The following SCN4B variants were observed in gnomAD, a reference collection of about 807,000 sequenced individuals.
SCN4B encodes sodium channel regulatory subunit beta-4.
In SCN4B, 20 loss-of-function variants were observed where a neutral mutation model predicts 19.6. The ratio of observed to expected loss-of-function variants is 1.02; its 90% confidence interval spans 0.72 to 1.48. SCN4B has a LOEUF of 1.48. SCN4B is among the 40% of genes most tolerant of loss of function. The probability of loss-of-function intolerance (pLI) is 0.00; values close to 1 mark genes in which losing one functional copy is unlikely to be tolerated. For missense variants in SCN4B, 271 were observed against 287.5 expected (o/e 0.94, Z 0.42); for synonymous variants, 127 against 122.8 (o/e 1.03, Z -0.22).
rs57837990 is a variant in SCN4B at position 118,151,234 on chromosome 11, C to T, written c.61+1379G>A. ...CAAACAAGGGACTGGCATCCCACCACCCAGGAAGGTAAGCCAGAGGTGTGA... is the reference window on the plus strand; with the variant it reads ...CAAACAAGGGACTGGCATCCCACCATCCAGGAAGGTAAGCCAGAGGTGTGA... On this transcript the variant is annotated intron_variant, in intron 1 of 4. Transcript: ENST00000324727. 1.0e-2 allele frequency among the ~76,000 whole-genome samples: 1,518 copies of T among 152,240 alleles called. 33 individuals carry two copies. The highest frequency in any genetic ancestry group is 0.035 in the African/African-American group (1,456 of 41,538).
chr11:118,139,909 T>TC (rs1186146281), intron 4 of SCN4B, among the ~76,000 whole-genome samples: 1 of 52,146 alleles, frequency 1.9e-5, no homozygotes, highest in Non-Finnish European at 4.4e-5. Context: ...TTCTTTTTTC[T>TC]TTTTTTTTTT....
chr11:118,143,543 A>G (rs146672233), intron 3 of SCN4B, among the ~76,000 whole-genome samples: 1 of 152,320 alleles, frequency 6.6e-6, no homozygotes, highest in East Asian at 1.9e-4. Flanking sequence ...CTAGCCACAA[A>G]ACACTACCAG....
chr11:118,141,321 T>C lies in SCN4B; in HGVS notation c.479A>G (p.Asn160Ser). 1.9e-6 allele frequency: 3 copies of C among 1,612,378 alleles called. No individual in the cohort carries two copies. The highest frequency in any genetic ancestry group is 2.2e-5 in the East Asian group (1 of 44,884). Residue 160 changes from asparagine (N) to serine (S), a missense_variant, in exon 4 of 5, where the codon AAC becomes AGC. By Grantham distance (46) the Asn-to-Ser change is conservative. Coordinates refer to ENST00000324727, the MANE Select transcript of SCN4B (RefSeq NM_174934.4). ...AGCCAGGATGATGAGTGTCACTGTG[T>C]TGTCCACTTCTTCCACTGTGTGGCC... Reference protein sequence around the residue: ...QVVDRLEEVDNTVTLIILAVV... With the variant: ...QVVDRLEEVDSTVTLIILAVV...
Position 118,135,294 on chromosome 11 carries a change from A to T in SCN4B, c.*1733T>A, listed in dbSNP as rs998673498. ...CAGCCACGGGCACCCTGCAGGTACT[A>T]CTGGTCCTCAGTCTCCCCCCACTCC... is the stretch of plus-strand genomic sequence containing the variant. On this transcript the variant is annotated 3_prime_UTR_variant, in exon 5 of 5. Coordinates refer to ENST00000324727, the MANE Select transcript of SCN4B (RefSeq NM_174934.4). 1 of 454,032 alleles carries T rather than the reference A, an allele frequency of 2.2e-6. No individual in the cohort carries two copies. The highest frequency in any genetic ancestry group is 4.4e-6 in the Non-Finnish European group (1 of 226,772). The allele number at this position is 454,032 out of a possible 1,614,324, so 28.1% of individuals were successfully genotyped here. A position where few individuals can be genotyped will look rare whatever the true frequency, so the allele number is the denominator to read the frequency against.
At chr11:118,137,883 G>A (rs530779811) in intron 4 of SCN4B, among the ~76,000 whole-genome samples, 32 of 152,154 alleles carry the variant, frequency 2.1e-4, no homozygotes, top group Admixed American at 5.9e-4. Flanking sequence ...TGAGCTCTCC[G>A]TGACTAGAGG....
Position 118,134,966 on chromosome 11 carries a change from G to T in SCN4B, c.*2061C>A. 1 of 454,126 alleles carries T rather than the reference G, an allele frequency of 2.2e-6. No homozygotes were observed. Among genetic ancestry groups the T allele is most frequent in the Non-Finnish European group, 4.4e-6 (1 of 226,790 alleles). 28.1% of individuals were successfully genotyped at this position (454,126 alleles called of 1,614,324 possible). ...AGTAGACCCTGGGGAGGAAAGAGAG[G>T]ATGGTGCCCTTCTTCTCCCTACTCT... On this transcript the variant is annotated 3_prime_UTR_variant, in exon 5 of 5. Transcript: ENST00000324727.
At chr11:118,152,456 GA>G (rs1299584050) in intron 1 of SCN4B, among the ~76,000 whole-genome samples, 156 bp downstream of exon 1, 2 of 152,200 alleles carry the variant, frequency 1.3e-5, no homozygotes, top group Non-Finnish European at 2.9e-5. Context: ...CACAGCCTAT[GA>G]ACCAGGCAGG....
chr11:118,138,547 G>T (rs1458232379), intron 4 of SCN4B, among the ~76,000 whole-genome samples: 1 of 152,068 alleles, frequency 6.6e-6, no homozygotes, highest in Admixed American at 6.6e-5. Flanking sequence ...AGTTAACCCA[G>T]CCAATTACGA....
chr11:118,137,101 A>G lies in SCN4B; in HGVS notation c.613T>C (p.Ser205Pro), dbSNP rs761183228. ...REKKKECLVS[S>P]SGNDNTENGL... The stretch of plus-strand genomic sequence containing the variant: ...TTCTCCGTGTTGTCATTCCCCGAGG[A>G]GCTCACGAGACACTCCTTCCTGGAG... Residue 205 changes from serine to proline, a missense_variant, in exon 5 of 5, where the codon TCC becomes CCC. Ser to Pro is a moderately conservative substitution (Grantham distance 74). Coordinates refer to ENST00000324727, the MANE Select transcript of SCN4B (RefSeq NM_174934.4). 2.5e-5 allele frequency: 41 copies of G among 1,613,510 alleles called. No homozygotes were observed. The highest frequency in any genetic ancestry group is 5.0e-5 in the Admixed American group (3 of 60,006).
Position 118,133,816 on chromosome 11 carries a change from A to G in SCN4B, c.*3211T>C, listed in dbSNP as rs1159185004. 2.2e-6 allele frequency: 1 copy of G among 454,378 alleles called. No individual in the cohort carries two copies. The highest frequency in any genetic ancestry group is 2.0e-5 in the African/African-American group (1 of 49,998). The allele number at this position is 454,378 out of a possible 1,614,324, so 28.1% of individuals were successfully genotyped here. On this transcript the variant is annotated 3_prime_UTR_variant, in exon 5 of 5. Coordinates refer to ENST00000324727, the MANE Select transcript of SCN4B (RefSeq NM_174934.4). Reference sequence around the variant, plus strand: ...CTGTGACACTGAGATGAAGTCATGGAGTGACGGAATGCAGGAGCACGGCTG... The same window carrying G: ...CTGTGACACTGAGATGAAGTCATGGGGTGACGGAATGCAGGAGCACGGCTG...
chr11:118,150,299 G>A (rs1359003061), intron 1 of SCN4B, among the ~76,000 whole-genome samples: 1 of 152,124 alleles, frequency 6.6e-6, no homozygotes, highest in East Asian at 1.9e-4. Flanking sequence ...TTAAGAAAAG[G>A]GTATTTTGTT....
At position 118,148,159 on chromosome 11, in the gene SCN4B, A is replaced by G. The variant is rs865892067; in HGVS notation, c.62-2930T>C. On this transcript the variant is annotated intron_variant, in intron 1 of 4. Transcript: ENST00000324727. The surrounding 1 kb of genome is among the most constrained non-coding windows in gnomAD (Gnocchi z 4.0). The stretch of plus-strand genomic sequence containing the variant: ...CCTCAGTAGCTGGGAGGGGAAAATG[A>G]AAACCGGCAGAAATGGTTTCACAGA... 2.5e-4 allele frequency among the ~76,000 whole-genome samples: 38 copies of G among 152,362 alleles called. No homozygotes were observed. The highest frequency in any genetic ancestry group is 9.1e-4 in the African/African-American group (38 of 41,594).
chr11:118,139,378 T>C (rs1254085502), intron 4 of SCN4B, among the ~76,000 whole-genome samples: 1 of 152,170 alleles, frequency 6.6e-6, no homozygotes, highest in Non-Finnish European at 1.5e-5. Flanking sequence ...TCCCAGAATT[T>C]CACCCTGCCC....
rs919578520 is a variant in SCN4B, at chr11:118,144,005, G to A, written c.291C>T (p.Asp97=). The A allele has an allele frequency of 1.2e-5, 20 of 1,614,008 alleles. No individual in the cohort carries two copies. Among genetic ancestry groups the A allele is most frequent in the African/African-American group, 2.7e-5 (2 of 74,912 alleles). The change falls in exon 3 of 5, where the codon GAC becomes GAT. Residue 97 remains aspartate (D), a synonymous_variant. Transcript: ENST00000324727. ...EKSDPKVTLK[D]DDRITLVGST... is the part of the protein sequence containing the mutation. ...AGCCTACCAGAGTGATGCGGTCATCGTCTTTCAACGTCACCTTGGGGTCAG... is the reference window on the plus strand; with the variant it reads ...AGCCTACCAGAGTGATGCGGTCATCATCTTTCAACGTCACCTTGGGGTCAG...
intron 1 of SCN4B, chr11:118,145,688 G>GCCCCC (rs1948164417): frequency 3.2e-6 from 1 of 314,390 alleles, no homozygotes. Flanking sequence ...GACGGGCGGG[G>GCCCCC]CGGTCGAGGA....
At chr11:118,137,377 A>G (rs1292622186) in intron 4 of SCN4B, among the ~76,000 whole-genome samples, 2 of 152,134 alleles carry the variant, frequency 1.3e-5, no homozygotes, top group African/African-American at 4.8e-5. Context: ...GCCATGTAGA[A>G]AGTTCTCAAC....
chr11:118,136,537 C>T lies in SCN4B; in HGVS notation c.*490G>A. 1 of 454,118 alleles carries T rather than the reference C, an allele frequency of 2.2e-6. No homozygotes were observed. Among genetic ancestry groups the T allele is most frequent in the South Asian group, 1.6e-5 (1 of 64,470 alleles). The allele number at this position is 454,118 out of a possible 1,614,324, so 28.1% of individuals were successfully genotyped here. ...CAGTCTCTCACTGTGGGCCTGCCCC[C>T]ATCAGCCCCCACCCCAGGTCTTCTC... On this transcript the variant is annotated 3_prime_UTR_variant, in exon 5 of 5. Coordinates refer to ENST00000324727, the MANE Select transcript of SCN4B (RefSeq NM_174934.4).
chr11:118,152,553 T>C, intron 1 of SCN4B, 60 bp downstream of exon 1: 2 of 1,404,890 alleles, frequency 1.4e-6, no homozygotes, highest in South Asian at 2.4e-5. Context: ...CCTTCTCGAG[T>C]GTCCCCTTCT....
In SCN4B at chr11:118,136,829, A is replaced by C. The variant is rs2135497347; in HGVS notation, c.*198T>G. On this transcript the variant is annotated 3_prime_UTR_variant, in exon 5 of 5. Transcript: ENST00000324727. ...CTTCCACAGACCCCCTCCCCTGGCC[A>C]TCCCTTGTCCCTGGGGAGCCCTGAC... 1.5e-6 allele frequency: 1 copy of C among 682,070 alleles called. No homozygotes were observed. Among genetic ancestry groups the C allele is most frequent in the Non-Finnish European group, 2.7e-6 (1 of 372,128 alleles). 42.3% of individuals were successfully genotyped at this position (682,070 alleles called of 1,614,324 possible).
Sources: allele counts gnomAD v4.1 joint callset (sites outside exome capture counted in the v4.1 genomes callset), GRCh38; gene constraint gnomAD v4.1.1; non-coding constraint Gnocchi (gnomAD v3.1); transcripts MANE v1.5; gene names NCBI Gene and HGNC (gene_info 2026-07-23, HGNC 2026-07-21).